Variants in MILR1 observed in about 807,000 individuals in gnomAD.
The protein encoded by MILR1 is mast cell immunoglobulin like receptor 1, also known as allergin-1.
A neutral mutation model predicts 18.5 loss-of-function variants in MILR1; 31 were observed. The observed-to-expected ratio is 1.68, with a 90% CI of 1.26 to 2.26. The LOEUF (loss-of-function observed/expected upper bound fraction) is 2.26. Ranked by LOEUF, MILR1 falls within the 30% of genes most tolerant of loss-of-function variation. The probability of loss-of-function intolerance (pLI) is 0.00; values close to 1 mark genes in which losing one functional copy is unlikely to be tolerated. For missense variants in MILR1, 257 were observed against 157.4 expected (o/e 1.63, Z -3.38); for synonymous variants, 85 against 56.2 (o/e 1.51, Z -2.30).
chr17:64,487,302 C>G, the MILR1 span: 1 of 152,190 alleles, frequency 6.6e-6, no homozygotes, highest in African/African-American at 2.4e-5. Flanking sequence ...ACACAGTTAT[C>G]GTCGAACTGA....
chr17:64,456,051 A>G (rs2037293496), intron 3 of MILR1, among the ~76,000 whole-genome samples: 1 of 152,076 alleles, frequency 6.6e-6, no homozygotes, highest in East Asian at 1.9e-4. Context: ...AAAACAGAAA[A>G]GAAAGTAAAT....
At chr17:64,485,735 T>A in the MILR1 span, 3 of 1,612,556 alleles carry the variant, frequency 1.9e-6, no homozygotes, top group Non-Finnish European at 2.5e-6. Flanking sequence ...CACCTTTCTA[T>A]GAAGATTTTT....
intron 3 of MILR1, among the ~76,000 whole-genome samples, chr17:64,456,596 A>C (rs1437002019): frequency 6.6e-6 from 1 of 152,144 alleles, no homozygotes; most frequent in Non-Finnish European, 1.5e-5. Context: ...AAATCACTTG[A>C]AGCCAAGAGT....
chr17:64,475,107 A>G, the MILR1 span, among the ~76,000 whole-genome samples: 1 of 150,136 alleles, frequency 6.7e-6, no homozygotes, highest in Admixed American at 6.7e-5. Context: ...GGAGGCTTTA[A>G]CCCGGGAGGC....
chr17:64,491,921 C>G, the MILR1 span: 1 of 134,448 alleles, frequency 7.4e-6, no homozygotes, highest in Non-Finnish European at 1.5e-5. Context: ...ATGACTGGTA[C>G]TTGTGAAAAA....
intron 5 of MILR1, among the ~76,000 whole-genome samples, chr17:64,464,929 A>T (rs1206115737): frequency 1.3e-5 from 2 of 151,750 alleles, no homozygotes; most frequent in South Asian, 2.1e-4. Flanking sequence ...GTCTCAAAAA[A>T]ATACAAAAAT....
In MILR1 at chr17:64,460,940, C is replaced by A; in HGVS notation, c.763+8C>A. The A allele has an allele frequency of 4.2e-6, 2 of 473,670 alleles. No homozygotes were observed. The highest frequency in any genetic ancestry group is 3.2e-5 in the Admixed American group (1 of 31,692). The allele number at this position is 473,670 out of a possible 1,614,324, so 29.3% of individuals were successfully genotyped here. On this transcript the variant is annotated splice_region_variant and intron_variant, in intron 5 of 9. Coordinates refer to ENST00000619286, the MANE Select transcript of MILR1 (RefSeq NM_001085423.2). ...TGCCCAAATACAAAACAAGTAAGTTCTTTTAGTCGCTTTACCACCCGTTTT... is the reference window on the plus strand; with the variant it reads ...TGCCCAAATACAAAACAAGTAAGTTATTTTAGTCGCTTTACCACCCGTTTT...
chr17:64,464,760 T>C (rs1204454479), intron 5 of MILR1, among the ~76,000 whole-genome samples: 1 of 152,138 alleles, frequency 6.6e-6, no homozygotes, highest in African/African-American at 2.4e-5. Context: ...CCGCCTCTAC[T>C]AAAAATACAA....
At chr17:64,474,305 C>A in the MILR1 span, among the ~76,000 whole-genome samples, 1 of 152,118 alleles carries the variant, frequency 6.6e-6, no homozygotes, top group Non-Finnish European at 1.5e-5. Context: ...GAACTCTTGA[C>A]CTCAAATGAT....
intron 3 of MILR1, among the ~76,000 whole-genome samples, chr17:64,453,557 T>TC (rs1555661116): frequency 1.4e-5 from 2 of 145,146 alleles, no homozygotes; most frequent in Non-Finnish European, 3.0e-5. Context: ...TTTTTTTTTT[T>TC]CTGAAGCCTT....
At chr17:64,460,991 A>C in intron 5 of MILR1, 59 bp downstream of exon 5, 1 of 467,140 alleles carries the variant, frequency 2.1e-6, no homozygotes, top group Non-Finnish European at 3.9e-6. Context: ...TACAGACAGC[A>C]GGACAGAGGG....
the MILR1 span, chr17:64,496,278 C>A: frequency 1.5e-6 from 1 of 667,326 alleles, no homozygotes; most frequent in South Asian, 1.9e-5. Context: ...CCGACTACTT[C>A]AAAAAGATGA....
At chr17:64,472,778 ATGC>A (rs1356107239), downstream of MILR1, among the ~76,000 whole-genome samples, 1 of 148,560 alleles carries the variant, frequency 6.7e-6, no homozygotes, top group African/African-American at 2.6e-5. Context: ...AGTACACTCT[ATGC>A]TGTTCAAACA....
intron 3 of MILR1, among the ~76,000 whole-genome samples, chr17:64,454,142 C>T (rs1374452879): frequency 6.6e-6 from 1 of 151,958 alleles, no homozygotes; most frequent in Non-Finnish European, 1.5e-5. Flanking sequence ...GTTGACCAGG[C>T]TGGTCTTAAC....
intron 2 of MILR1, among the ~76,000 whole-genome samples, chr17:64,450,135 TCA>T (rs2037135062): frequency 6.6e-6 from 1 of 152,050 alleles, no homozygotes; most frequent in South Asian, 2.1e-4. Context: ...AGACGGGGTT[TCA>T]CATCGTTAGC....
the MILR1 span, chr17:64,491,549 C>T: frequency 6.5e-7 from 1 of 1,549,260 alleles, no homozygotes; most frequent in Non-Finnish European, 8.9e-7. Context: ...CAGTGAAGGA[C>T]AAGAAACTTC....
the MILR1 span, among the ~76,000 whole-genome samples, chr17:64,494,921 C>T: frequency 6.6e-6 from 1 of 152,178 alleles, no homozygotes; most frequent in Admixed American, 6.5e-5. Context: ...CGCCTGTAAT[C>T]CCAGCACTTT....
the MILR1 span, chr17:64,492,724 T>G: frequency 6.2e-7 from 1 of 1,613,596 alleles, no homozygotes; most frequent in Non-Finnish European, 8.5e-7. Context: ...GGTTTGAAGT[T>G]CTCGGAGGAG....
At chr17:64,478,098 A>G in the MILR1 span, 2 of 1,125,466 alleles carry the variant, frequency 1.8e-6, no homozygotes, top group Non-Finnish European at 2.6e-6. Flanking sequence ...TCACAGACTC[A>G]GGGCTTAAGG....
Sources: gnomAD v4.1 joint callset for allele counts (sites outside exome capture counted in the v4.1 genomes callset) on GRCh38, gnomAD v4.1.1 for gene constraint, MANE v1.5 for transcripts, NCBI Gene and HGNC (gene_info 2026-07-23, HGNC 2026-07-21) for gene names.